Variants in LYRM4 observed in about 807,000 individuals in gnomAD.
The protein encoded by LYRM4 is LYR motif-containing protein 4.
In LYRM4, 9 loss-of-function variants were observed where a neutral mutation model predicts 11.7. The ratio of observed to expected loss-of-function variants is 0.77; its 90% confidence interval spans 0.46 to 1.34. LYRM4 has a LOEUF of 1.34. Ranked by LOEUF, LYRM4 falls within the 40% of genes most tolerant of loss-of-function variation. The pLI is 0.00. For synonymous variants in LYRM4, 42 were observed against 40.4 expected, an observed-to-expected ratio of 1.04 and a Z score of -0.15; for missense variants, 133 against 112.5, an observed-to-expected ratio of 1.18 and a Z score of -0.82.
chr6:5,053,794 C>CTCATTATGTACATTCGCATTAT, the LYRM4 span, among the ~76,000 whole-genome samples: 1 of 152,196 alleles, frequency 6.6e-6, no homozygotes, highest in East Asian at 1.9e-4. Context: ...TTCAAAGACT[C>CTCATTATGTACATTCGCATTAT]TCTTTGTTGC....
intron 2 of LYRM4, among the ~76,000 whole-genome samples, chr6:5,165,026 C>CTACAT (rs1206840590): frequency 6.7e-6 from 1 of 149,400 alleles, no homozygotes; most frequent in African/African-American, 2.5e-5. Context: ...TTATTATGTT[C>CTACAT]TACAGAAGCT....
At chr6:5,122,417 A>C (rs1763499393) in intron 2 of LYRM4, among the ~76,000 whole-genome samples, 1 of 152,218 alleles carries the variant, frequency 6.6e-6, no homozygotes, top group South Asian at 2.1e-4. Flanking sequence ...TGCAACACTC[A>C]GAACTGGAAA....
intron 1 of LYRM4, chr6:5,240,553 G>C (rs772685713): frequency 6.6e-6 from 1 of 152,036 alleles, no homozygotes; most frequent in Admixed American, 6.5e-5. Flanking sequence ...GCACACCAAG[G>C]GTTTTGCCAA....
In LYRM4 at chr6:5,166,182, ATT is replaced by A. The variant is rs543275619; in HGVS notation, c.207+50434_207+50435del. 2.8e-3 allele frequency among the ~76,000 whole-genome samples: 424 copies of A among 152,312 alleles called. 1 individual carries two copies. Among genetic ancestry groups the A allele is most frequent in the Non-Finnish European group, 3.1e-3 (213 of 68,018 alleles). ...TTTGGTAATGCATTAAAAACTTAAA[ATT>A]TTTTAAGAAACACATTACAGTAACT... On this transcript the variant is annotated intron_variant, in intron 2 of 2. Transcript: ENST00000330636.
intron 1 of LYRM4, among the ~76,000 whole-genome samples, chr6:5,255,575 G>A (rs749362761): frequency 2.6e-5 from 4 of 151,966 alleles, no homozygotes; most frequent in East Asian, 1.9e-4. Flanking sequence ...ATTTAAGAAC[G>A]TAAAAGGCCT....
Position 5,260,860 on chromosome 6 carries a change from G to A in LYRM4, c.-127C>T. The A allele has an allele frequency of 1.3e-6, 2 of 1,486,262 alleles. No homozygotes were observed. The highest frequency in any genetic ancestry group is 1.8e-6 in the Non-Finnish European group (2 of 1,124,210). 92.1% of individuals were successfully genotyped at this position (1,486,262 alleles called of 1,614,324 possible). A position where few individuals can be genotyped will look rare whatever the true frequency, so the allele number is the denominator to read the frequency against. On this transcript the variant is annotated 5_prime_UTR_variant, in exon 1 of 3. Transcript: ENST00000330636. Reference sequence around the variant, plus strand: ...ATGCTGCGGCTCGGCTTTGCCAGCGGGCCGGGCCTAAGCCTAAGCGGGCAG... The same window carrying A: ...ATGCTGCGGCTCGGCTTTGCCAGCGAGCCGGGCCTAAGCCTAAGCGGGCAG...
At chr6:5,217,554 G>A (rs1762345162) in intron 1 of LYRM4, among the ~76,000 whole-genome samples, 1 of 152,226 alleles carries the variant, frequency 6.6e-6, no homozygotes, top group South Asian at 2.1e-4. Flanking sequence ...GCTGCTGGGA[G>A]GACTAGGCTT....
chr6:5,101,621 C>T (rs1762500119), downstream of LYRM4, among the ~76,000 whole-genome samples: 1 of 152,082 alleles, frequency 6.6e-6, no homozygotes, highest in South Asian at 2.1e-4. Context: ...ATATAGTTGA[C>T]CTGCTCTTAT....
chr6:5,196,805 C>T (rs1247823393), intron 2 of LYRM4, among the ~76,000 whole-genome samples: 1 of 152,130 alleles, frequency 6.6e-6, no homozygotes, highest in Non-Finnish European at 1.5e-5. Flanking sequence ...TCCTTTCTCA[C>T]AGGAAAAAAT....
intron 2 of LYRM4, among the ~76,000 whole-genome samples, chr6:5,182,390 G>A (rs1760128320): frequency 6.6e-6 from 1 of 152,178 alleles, no homozygotes; most frequent in African/African-American, 2.4e-5. Context: ...AGCCATATTA[G>A]ATTAGCAACT....
chr6:5,078,310 T>G, the LYRM4 span, among the ~76,000 whole-genome samples: 2 of 151,756 alleles, frequency 1.3e-5, no homozygotes, highest in Admixed American at 1.3e-4. Context: ...GCAATGGGGC[T>G]CAGACAGTGG....
chr6:5,170,681 T>C (rs1759376890), intron 2 of LYRM4, among the ~76,000 whole-genome samples: 1 of 152,192 alleles, frequency 6.6e-6, no homozygotes. Flanking sequence ...TCCAGTCTTA[T>C]ACCACAAGAG....
intron 2 of LYRM4, among the ~76,000 whole-genome samples, chr6:5,165,250 T>C (rs942764525): frequency 1.3e-5 from 2 of 152,232 alleles, no homozygotes; most frequent in Non-Finnish European, 2.9e-5. Flanking sequence ...CTACCTGTTA[T>C]AGCAATTTGT....
At chr6:5,137,828 C>T (rs1757180322) in intron 2 of LYRM4, among the ~76,000 whole-genome samples, 1 of 152,188 alleles carries the variant, frequency 6.6e-6, no homozygotes, top group African/African-American at 2.4e-5. Flanking sequence ...CAGGCTTTGT[C>T]CTTGCAAGCT....
Position 5,242,098 on chromosome 6 carries a change from A to G in LYRM4, c.86+18550T>C, listed in dbSNP as rs1334618772. Among the ~76,000 whole-genome samples, 6 of 146,088 alleles carry G rather than the reference A, an allele frequency of 4.1e-5. No individual in the cohort carries two copies. The East Asian group carries it at 1.2e-3, about 30-fold the overall frequency. ...ACTTTTTTTTTTTTTTTTGAGATAG[A>G]GTCTCACTCTGCCACCCAGGCTGGA... On this transcript the variant is annotated intron_variant, in intron 1 of 2. Coordinates refer to ENST00000330636, the MANE Select transcript of LYRM4 (RefSeq NM_020408.6).
intron 1 of LYRM4, among the ~76,000 whole-genome samples, chr6:5,220,779 A>G (rs1762534494): frequency 6.6e-6 from 1 of 152,174 alleles, no homozygotes; most frequent in Non-Finnish European, 1.5e-5. Flanking sequence ...TCAAGTCTTC[A>G]TATTCAAGTC....
chr6:5,044,900 C>T, the LYRM4 span, among the ~76,000 whole-genome samples: 1 of 152,206 alleles, frequency 6.6e-6, no homozygotes, highest in African/African-American at 2.4e-5. Flanking sequence ...TATGCTTTCT[C>T]CTGGGCACGC....
intron 1 of LYRM4, among the ~76,000 whole-genome samples, chr6:5,260,250 A>G (rs1184033563): frequency 2.6e-5 from 4 of 152,208 alleles, no homozygotes; most frequent in Admixed American, 6.5e-5. Context: ...CTCACTGGCC[A>G]CTTCCACTCT....
At chr6:5,112,045 G>A (rs1326850165) in intron 2 of LYRM4, among the ~76,000 whole-genome samples, 1 of 152,200 alleles carries the variant, frequency 6.6e-6, no homozygotes, top group African/African-American at 2.4e-5. Flanking sequence ...TGGCAGACAG[G>A]GAGGGGAGAA....
Sources: allele counts gnomAD v4.1 joint callset (sites outside exome capture counted in the v4.1 genomes callset), GRCh38; gene constraint gnomAD v4.1.1; transcripts MANE v1.5; gene names NCBI Gene and HGNC (gene_info 2026-07-23, HGNC 2026-07-21).